Variants in CALD1 observed in about 807,000 individuals in gnomAD.
The protein encoded by CALD1 is caldesmon 1.
In CALD1, 33 loss-of-function variants were observed where a neutral mutation model predicts 99.9. That is an observed-to-expected ratio of 0.33 (90% CI 0.25 to 0.44). The LOEUF (loss-of-function observed/expected upper bound fraction) is 0.44. Among genes scored for constraint, CALD1 ranks in the 20% least tolerant of loss-of-function variants. The pLI is 1.00. For synonymous variants in CALD1, 310 were observed against 325.0 expected (o/e 0.95, Z 0.50); for missense variants, 861 against 962.1 (o/e 0.89, Z 1.39).
intron 3 of CALD1, among the ~76,000 whole-genome samples, chr7:134,921,999 G>C (rs1347918917): frequency 1.3e-5 from 2 of 152,078 alleles, no homozygotes; most frequent in African/African-American, 2.4e-5. Flanking sequence ...GAAAATAAAG[G>C]TATGCCCTAG....
chr7:134,863,712 TA>T (rs1800665402), intron 2 of CALD1, among the ~76,000 whole-genome samples: 1 of 152,156 alleles, frequency 6.6e-6, no homozygotes, highest in African/African-American at 2.4e-5. Flanking sequence ...ATATAAAACA[TA>T]ATACATTTCT....
At chr7:134,964,889 C>A (rs1563139415) in intron 13 of CALD1, among the ~76,000 whole-genome samples, 1 of 152,098 alleles carries the variant, frequency 6.6e-6, no homozygotes, top group Non-Finnish European at 1.5e-5. Context: ...CCAGCCCATT[C>A]TCATATCATA....
chr7:134,934,254 G>A (rs1379894680), intron 5 of CALD1, among the ~76,000 whole-genome samples, 177 bp downstream of exon 5: 1 of 152,158 alleles, frequency 6.6e-6, no homozygotes, highest in Non-Finnish European at 1.5e-5. Flanking sequence ...ATTGATGGCT[G>A]AATATTCAAT....
chr7:134,760,337 G>A (rs58423077), intron 1 of CALD1, among the ~76,000 whole-genome samples: 8,279 of 152,240 alleles, frequency 0.054, 717 homozygotes, highest in African/African-American at 0.18. Context: ...GAGCAGGCAG[G>A]GAGACCTGCT....
intron 3 of CALD1, among the ~76,000 whole-genome samples, chr7:134,905,214 G>A (rs1803279504): frequency 6.6e-6 from 1 of 152,102 alleles, no homozygotes; most frequent in Admixed American, 6.5e-5. Context: ...TGCTCTGCAA[G>A]ACCTGTAAGC....
intron 7 of CALD1, among the ~76,000 whole-genome samples, chr7:134,947,229 T>A (rs540348026): frequency 6.6e-6 from 1 of 152,276 alleles, no homozygotes; most frequent in East Asian, 1.9e-4. Context: ...TTGAGGAACC[T>A]CCATACTGTT....
chr7:134,768,688 AC>A (rs1796848246), intron 1 of CALD1, among the ~76,000 whole-genome samples: 3 of 152,356 alleles, frequency 2.0e-5, no homozygotes, highest in East Asian at 1.9e-4. Context: ...TTTAAAAAAA[AC>A]AAAACAACAA....
the CALD1 span, among the ~76,000 whole-genome samples, chr7:134,712,377 G>A: frequency 6.6e-6 from 1 of 152,182 alleles, no homozygotes; most frequent in Non-Finnish European, 1.5e-5. Context: ...CTGGTGGAGA[G>A]ATGGGACCCG....
At chr7:134,962,196 T>C (rs1808319654) in intron 13 of CALD1, 2 of 152,096 alleles carry the variant, frequency 1.3e-5, no homozygotes, top group African/African-American at 4.8e-5. Context: ...TATTCTTTTA[T>C]CAGCACTTTA....
intron 3 of CALD1, among the ~76,000 whole-genome samples, chr7:134,921,566 C>G (rs1563097534): frequency 6.6e-6 from 1 of 152,304 alleles, no homozygotes; most frequent in Middle Eastern, 3.4e-3. Flanking sequence ...AATCCCAGCA[C>G]TTTGGGAGGC....
intron 3 of CALD1, among the ~76,000 whole-genome samples, chr7:134,871,054 C>T (rs927289394): frequency 6.6e-6 from 1 of 152,172 alleles, no homozygotes; most frequent in Non-Finnish European, 1.5e-5. Context: ...AGACCCTGAG[C>T]AAGTCCCTCT....
chr7:134,851,368 T>C (rs1042507852), intron 2 of CALD1, among the ~76,000 whole-genome samples: 2 of 152,214 alleles, frequency 1.3e-5, no homozygotes, highest in Admixed American at 6.5e-5. Context: ...CACTCCCTGA[T>C]GCTCTACCTG....
upstream of CALD1, among the ~76,000 whole-genome samples, chr7:134,778,192 A>G (rs1303595649): frequency 6.6e-6 from 1 of 152,184 alleles, no homozygotes; most frequent in Non-Finnish European, 1.5e-5. Flanking sequence ...AAAAGAGATG[A>G]GTGTAGAGAG....
intron 13 of CALD1, among the ~76,000 whole-genome samples, chr7:134,963,215 CCAGA>C (rs1466442519): frequency 6.6e-6 from 1 of 152,162 alleles, no homozygotes; most frequent in East Asian, 1.9e-4. Context: ...AAACAGTCTT[CCAGA>C]CAGTTTGGCA....
At chr7:134,764,999 A>C (rs993584848) in intron 1 of CALD1, among the ~76,000 whole-genome samples, 1 of 152,218 alleles carries the variant, frequency 6.6e-6, no homozygotes. Context: ...AAGGTGTCTG[A>C]GTAAGTGCAT....
At chr7:134,774,953 C>T (rs919841294), upstream of CALD1, among the ~76,000 whole-genome samples, 1 of 152,014 alleles carries the variant, frequency 6.6e-6, no homozygotes, top group Non-Finnish European at 1.5e-5. Context: ...TGTGATCTGC[C>T]GTGTTTAACC....
intron 3 of CALD1, among the ~76,000 whole-genome samples, chr7:134,912,906 A>G (rs906562196): frequency 6.6e-6 from 1 of 152,164 alleles, no homozygotes; most frequent in Non-Finnish European, 1.5e-5. Flanking sequence ...GATTTAAGAT[A>G]TTAGTACTGT....
the CALD1 span, among the ~76,000 whole-genome samples, chr7:134,717,846 A>C: frequency 6.6e-6 from 1 of 152,228 alleles, no homozygotes; most frequent in Non-Finnish European, 1.5e-5. Flanking sequence ...TGACTAAGAA[A>C]ACATAAATAT....
chr7:134,933,949 G>C lies in CALD1; in HGVS notation c.1180G>C (p.Glu394Gln). The change falls in exon 5 of 15, where the codon GAG (glutamate) becomes CAG (glutamine). Residue 394 changes from glutamate to glutamine, a missense_variant. By Grantham distance (29) the Glu-to-Gln change is conservative. Transcript: ENST00000361675. The stretch of plus-strand genomic sequence containing the variant: ...GCAGAAACGTAACAAGCAGCTAGAA[G>C]AGAAAAAACATGCCATGCAAGAGAC... ...EEQKRNKQLE[E>Q]KKHAMQETKI... is the part of the protein sequence containing the mutation. 1 of 1,614,074 alleles carries C rather than the reference G, an allele frequency of 6.2e-7. No individual in the cohort carries two copies. Among genetic ancestry groups the C allele is most frequent in the Non-Finnish European group, 8.5e-7 (1 of 1,179,982 alleles).
Sources: gnomAD v4.1 joint callset for allele counts (sites outside exome capture counted in the v4.1 genomes callset) on GRCh38, gnomAD v4.1.1 for gene constraint, MANE v1.5 for transcripts, NCBI Gene and HGNC (gene_info 2026-07-23, HGNC 2026-07-21) for gene names.